The following P2RX7 variants were observed in gnomAD, a reference collection of about 807,000 sequenced individuals.
The protein encoded by P2RX7 is P2X purinoceptor 7.
A neutral mutation model predicts 71.6 loss-of-function variants in P2RX7; 62 were observed. The observed-to-expected ratio is 0.87, with a 90% confidence interval of 0.71 to 1.07. The LOEUF (loss-of-function observed/expected upper bound fraction) is 1.07, where lower values mean the gene tolerates loss of function less well. Among genes scored for constraint, P2RX7 ranks in the 50% least tolerant of loss-of-function variants. P2RX7 has a pLI of 0.00. For synonymous variants in P2RX7, 299 were observed against 283.3 expected (o/e 1.06, Z -0.56); for missense variants, 686 against 748.5 (o/e 0.92, Z 0.97).
chr12:121,149,027 C>T lies in P2RX7; in HGVS notation c.126-5758C>T. On this transcript the variant is annotated intron_variant, in intron 1 of 12. Coordinates refer to ENST00000328963, the MANE Select transcript of P2RX7 (RefSeq NM_002562.6). This position sits in a 1 kb window ranked among gnomAD's most constrained non-coding sequence, Gnocchi z 4.7. ...CCAGGGGCTGTAAGACGGAGAGGAA[C>T]TTTGCTGAAAGGGAGGTCCTCCCTG... The T allele has an allele frequency of 1.8e-6, 1 of 564,068 alleles. No individual in the cohort carries two copies. Among genetic ancestry groups the T allele is most frequent in the Non-Finnish European group, 3.5e-6 (1 of 286,654 alleles). 34.9% of individuals were successfully genotyped at this position (564,068 alleles called of 1,614,324 possible).
intron 11 of P2RX7, among the ~76,000 whole-genome samples, chr12:121,178,646 G>T (rs1883564939): frequency 6.6e-6 from 1 of 151,966 alleles, no homozygotes; most frequent in Non-Finnish European, 1.5e-5. Context: ...ACAAAAATTA[G>T]CCAGGCGTGG....
At chr12:121,183,605 A>C (rs1378885617) in intron 12 of P2RX7, among the ~76,000 whole-genome samples, 1 of 151,774 alleles carries the variant, frequency 6.6e-6, no homozygotes, top group Non-Finnish European at 1.5e-5. Flanking sequence ...ACACACACAC[A>C]CACACACAAA....
chr12:121,153,512 T>C (rs1877904154), intron 1 of P2RX7, among the ~76,000 whole-genome samples: 1 of 152,076 alleles, frequency 6.6e-6, no homozygotes. Flanking sequence ...ACCTTGTCTC[T>C]ACTAAAAATA....
chr12:121,173,358 G>C (rs1433353661), intron 8 of P2RX7, among the ~76,000 whole-genome samples: 1 of 152,076 alleles, frequency 6.6e-6, no homozygotes, highest in African/African-American at 2.4e-5. Context: ...GCTAATTTTT[G>C]TATTTTTAGT....
chr12:121,154,914 C>T lies in P2RX7; in HGVS notation c.255C>T (p.His85=), dbSNP rs1878245056. ...IVENGVKKLV[H]SVFDTADYTF... ...AGAATGGAGTGAAGAAGTTGGTGCA[C>T]AGTGTCTTTGACACCGCAGACTACA... The change falls in exon 2 of 13, where the codon CAC becomes CAT. Residue 85 remains histidine (H), a synonymous_variant. Coordinates refer to ENST00000328963, the MANE Select transcript of P2RX7 (RefSeq NM_002562.6). This position sits in a 1 kb window ranked among gnomAD's most constrained non-coding sequence, Gnocchi z 4.2. 6.2e-7 allele frequency: 1 copy of T among 1,613,038 alleles called. No homozygotes were observed. Among genetic ancestry groups the T allele is most frequent in the Non-Finnish European group, 8.5e-7 (1 of 1,179,628 alleles).
At chr12:121,174,383 G>A (rs1214194592) in intron 8 of P2RX7, among the ~76,000 whole-genome samples, 1 of 152,006 alleles carries the variant, frequency 6.6e-6, no homozygotes, top group Non-Finnish European at 1.5e-5. Flanking sequence ...CACCTGTAGT[G>A]GTGCACGCTT....
intron 8 of P2RX7, among the ~76,000 whole-genome samples, chr12:121,173,757 A>T (rs1882601400): frequency 6.6e-6 from 1 of 152,162 alleles, no homozygotes; most frequent in Non-Finnish European, 1.5e-5. Flanking sequence ...TCTGGCCCTC[A>T]CCCTACCTGT....
intron 1 of P2RX7, among the ~76,000 whole-genome samples, chr12:121,136,144 A>G (rs948411801): frequency 4.1e-5 from 6 of 145,190 alleles, no homozygotes; most frequent in African/African-American, 1.5e-4. Context: ...ATATATTTAT[A>G]TATATGTGCT....
intron 3 of P2RX7, among the ~76,000 whole-genome samples, chr12:121,156,402 G>A (rs755577998): frequency 1.3e-5 from 2 of 152,198 alleles, no homozygotes; most frequent in Non-Finnish European, 2.9e-5. Context: ...CCGTGCAGAC[G>A]GCAACCCTGC....
At chr12:121,145,510 C>CT (rs200165825) in intron 1 of P2RX7, among the ~76,000 whole-genome samples, 4,945 of 141,934 alleles carry the variant, frequency 0.035, 94 homozygotes, top group East Asian at 0.067. Flanking sequence ...TTCTTTCTTT[C>CT]TTTTTTTTTT....
intron 9 of P2RX7, 44 bp downstream of exon 9, chr12:121,175,522 G>A (rs770690341): frequency 2.3e-6 from 2 of 872,716 alleles, no homozygotes; most frequent in Non-Finnish European, 4.0e-6. Flanking sequence ...TCCTATGACT[G>A]TGTCCTAATT....
intron 12 of P2RX7, among the ~76,000 whole-genome samples, chr12:121,182,791 T>C (rs1884339970): frequency 6.6e-6 from 1 of 152,218 alleles, no homozygotes; most frequent in South Asian, 2.1e-4. Flanking sequence ...AAAATATTTA[T>C]CTTTCTTCAA....
intron 1 of P2RX7, among the ~76,000 whole-genome samples, chr12:121,137,074 C>T (rs1397182353): frequency 6.6e-6 from 1 of 152,120 alleles, no homozygotes; most frequent in Admixed American, 6.6e-5. Flanking sequence ...ATTTAACTCC[C>T]TCAAATTCAG....
intron 11 of P2RX7, among the ~76,000 whole-genome samples, chr12:121,179,749 A>G (rs1005468213): frequency 1.3e-5 from 2 of 152,234 alleles, no homozygotes; most frequent in Admixed American, 6.5e-5. Flanking sequence ...ATCTAGAGTT[A>G]CTGAAATTGA....
At chr12:121,160,790 G>A in intron 3 of P2RX7, 112 bp from the exon 4 acceptor site, 1 of 918,834 alleles carries the variant, frequency 1.1e-6, no homozygotes, top group Non-Finnish European at 1.8e-6. Flanking sequence ...GCGATTCTGA[G>A]TAGTGCTGCT....
chr12:121,133,114 G>A lies in P2RX7; in HGVS notation c.125+19G>A, dbSNP rs775159807. ...ACGTTTGGTAAGTGGGATCTGGGGA[G>A]GACCCAGATCTCTGCAGTGGCCGAC... On this transcript the variant is annotated intron_variant, in intron 1 of 12. Coordinates refer to ENST00000328963, the MANE Select transcript of P2RX7 (RefSeq NM_002562.6). The A allele has an allele frequency of 1.9e-6, 3 of 1,613,586 alleles. No homozygotes were observed. Among genetic ancestry groups the A allele is most frequent in the East Asian group, 4.5e-5 (2 of 44,878 alleles).
At chr12:121,172,097 G>A (rs1296757965) in intron 8 of P2RX7, among the ~76,000 whole-genome samples, 6 of 149,904 alleles carry the variant, frequency 4.0e-5, no homozygotes, top group African/African-American at 1.2e-4. Context: ...TCCTGACCTC[G>A]TGATCTGCCT....
chr12:121,161,136 G>A (rs1387019959), intron 4 of P2RX7, among the ~76,000 whole-genome samples, 162 bp downstream of exon 4: 4 of 152,180 alleles, frequency 2.6e-5, no homozygotes, highest in Non-Finnish European at 5.9e-5. Flanking sequence ...TCTGTCCCCA[G>A]CAGACCAGCT....
At position 121,184,473 on chromosome 12, in the gene P2RX7, C is replaced by T. The variant is rs139838015; in HGVS notation, c.1459C>T (p.Leu487Phe). 5.0e-6 allele frequency: 8 copies of T among 1,614,054 alleles called. No individual in the cohort carries two copies. In the African/African-American group the frequency reaches 5.3e-5, roughly 11 times the overall value. ...GTGTGGAAGCTGCCTCCCATCTCAA[C>T]TCCCTGAGAGCCACAGGTGCCTGGA... is the stretch of plus-strand genomic sequence containing the variant. Reference protein sequence around the residue: ...CQCGSCLPSQLPESHRCLEEL... With the variant: ...CQCGSCLPSQFPESHRCLEEL... The change falls in exon 13 of 13, where the codon CTC (leucine) becomes TTC (phenylalanine). Residue 487 changes from leucine to phenylalanine, a missense_variant. Physicochemically the swap from Leu to Phe is conservative, Grantham distance 22. Transcript: ENST00000328963.
Sources: allele counts gnomAD v4.1 joint callset (sites outside exome capture counted in the v4.1 genomes callset), GRCh38; gene constraint gnomAD v4.1.1; non-coding constraint Gnocchi (gnomAD v3.1); transcripts MANE v1.5; gene names NCBI Gene and HGNC (gene_info 2026-07-23, HGNC 2026-07-21).